Variants in SMOC2 observed in about 807,000 individuals in gnomAD.
SMOC2 encodes SPARC-related modular calcium-binding protein 2.
Under a neutral mutation model 61.4 loss-of-function variants are expected in SMOC2, and 39 were observed. That is an observed-to-expected ratio of 0.64 (90% CI 0.49 to 0.83). The LOEUF (loss-of-function observed/expected upper bound fraction) is 0.83, where lower values mean the gene tolerates loss of function less well. Among genes scored for constraint, SMOC2 ranks in the 40% least tolerant of loss-of-function variants. SMOC2 has a pLI of 0.00. For missense variants in SMOC2, 556 were observed against 592.9 expected (o/e 0.94, Z 0.65); for synonymous variants, 247 against 239.9 (o/e 1.03, Z -0.27).
intron 7 of SMOC2, among the ~76,000 whole-genome samples, chr6:168,570,454 A>G (rs1421707077): frequency 6.6e-6 from 1 of 152,144 alleles, no homozygotes; most frequent in African/African-American, 2.4e-5. Context: ...AAAGCACCCA[A>G]CGGCCCAGGG....
At chr6:168,569,840 G>A (rs1275807609) in intron 7 of SMOC2, among the ~76,000 whole-genome samples, 1 of 152,152 alleles carries the variant, frequency 6.6e-6, no homozygotes, top group African/African-American at 2.4e-5. Flanking sequence ...TTGCAGAGCG[G>A]AAGTTTTCCA....
intron 2 of SMOC2, among the ~76,000 whole-genome samples, chr6:168,517,930 G>A (rs866080965): frequency 3.3e-5 from 5 of 152,254 alleles, no homozygotes; most frequent in African/African-American, 1.2e-4. Flanking sequence ...CGGAGCGCGA[G>A]CCTGGGCCGG....
intron 12 of SMOC2, 70 bp from the exon 13 acceptor site, chr6:168,666,351 C>A: frequency 6.3e-7 from 1 of 1,592,538 alleles, no homozygotes; most frequent in Non-Finnish European, 8.6e-7. Flanking sequence ...AGAAGCCAAG[C>A]CTTAGTCTTC....
chr6:168,648,945 A>G (rs935003331), intron 9 of SMOC2, among the ~76,000 whole-genome samples: 1 of 152,168 alleles, frequency 6.6e-6, no homozygotes, highest in Non-Finnish European at 1.5e-5. Flanking sequence ...CCACGGCCAC[A>G]TGGTCCACGC....
At chr6:168,564,985 A>G (rs1784510481) in intron 7 of SMOC2, among the ~76,000 whole-genome samples, 1 of 152,224 alleles carries the variant, frequency 6.6e-6, no homozygotes, top group African/African-American at 2.4e-5. Flanking sequence ...AGTAACATCA[A>G]CAGCATCTCT....
chr6:168,555,195 A>G (rs1426376600), intron 7 of SMOC2, among the ~76,000 whole-genome samples: 1 of 152,212 alleles, frequency 6.6e-6, no homozygotes, highest in Non-Finnish European at 1.5e-5. Flanking sequence ...CGGGCCTGCA[A>G]TCATTAGCCA....
chr6:168,633,569 A>C (rs1786628199), intron 9 of SMOC2, among the ~76,000 whole-genome samples: 1 of 152,040 alleles, frequency 6.6e-6, no homozygotes, highest in South Asian at 2.1e-4. Context: ...ACCCCAAACA[A>C]AAAAAAATAC....
chr6:168,656,433 G>A (rs553261066), intron 11 of SMOC2, among the ~76,000 whole-genome samples: 7 of 149,968 alleles, frequency 4.7e-5, no homozygotes, highest in Non-Finnish European at 8.9e-5. Context: ...GCTTGAATCT[G>A]GGAGGCAGAA....
intron 1 of SMOC2, among the ~76,000 whole-genome samples, chr6:168,483,945 A>G (rs1782270993): frequency 6.6e-6 from 1 of 152,192 alleles, no homozygotes; most frequent in African/African-American, 2.4e-5. Context: ...TTAACTCAAA[A>G]TGGATTAATG....
At chr6:168,579,219 A>C (rs1784872442) in intron 7 of SMOC2, among the ~76,000 whole-genome samples, 1 of 152,116 alleles carries the variant, frequency 6.6e-6, no homozygotes, top group Non-Finnish European at 1.5e-5. Context: ...CATTTTTATC[A>C]AAATGCTATT....
chr6:168,653,120 G>A lies in SMOC2; in HGVS notation c.1177G>A (p.Val393Ile), dbSNP rs755958696. 2 of 1,614,216 alleles carry A rather than the reference G, an allele frequency of 1.2e-6. No individual in the cohort carries two copies. The highest frequency in any genetic ancestry group is 2.2e-5 in the South Asian group (2 of 91,076). Residue 393 changes from valine to isoleucine, a missense_variant, in exon 11 of 13, where the codon GTT becomes ATT. Physicochemically the swap from Val to Ile is conservative, Grantham distance 29. Transcript: ENST00000356284. ...SKPKKCVKKF[V>I]EYCDVNNDKS... The stretch of plus-strand genomic sequence containing the variant: ...GCCCAAAAAATGTGTGAAGAAGTTT[G>A]TTGAATACTGTGACGTGAATAATGA...
rs1583188036 is a variant in SMOC2 at position 168,651,180 on chromosome 6, G to A, written c.1010+397G>A. 3.3e-5 allele frequency among the ~76,000 whole-genome samples: 5 copies of A among 152,320 alleles called. 1 individual carries two copies. Among genetic ancestry groups the A allele is most frequent in the African/African-American group, 2.4e-5 (1 of 41,570 alleles). On this transcript the variant is annotated intron_variant, in intron 10 of 12. Coordinates refer to ENST00000356284, the MANE Select transcript of SMOC2 (RefSeq NM_001166412.2). Reference sequence around the variant, plus strand: ...ACGTTTAATCTGAAGTTCTCAAAACGTGATTAGGTTTACTGCAGTAAAATG... The same window carrying A: ...ACGTTTAATCTGAAGTTCTCAAAACATGATTAGGTTTACTGCAGTAAAATG...
At chr6:168,659,772 TTGTAGATTATAGGCTGAGTG>T (rs1787451184) in intron 11 of SMOC2, among the ~76,000 whole-genome samples, 12 of 15,992 alleles carry the variant, frequency 7.5e-4, no homozygotes, top group East Asian at 2.2e-3. Flanking sequence ...TTGGGTGAGG[TTGTAGATTATAGGCTGAGTG>T]AGGGTGGAGG....
intron 8 of SMOC2, among the ~76,000 whole-genome samples, chr6:168,599,679 C>T (rs1475182598): frequency 2.1e-5 from 3 of 141,902 alleles, no homozygotes; most frequent in African/African-American, 7.9e-5. Flanking sequence ...CTCCCCTACA[C>T]ACTCTCACAC....
intron 7 of SMOC2, among the ~76,000 whole-genome samples, chr6:168,574,361 G>T (rs1583123883): frequency 1.3e-5 from 2 of 152,366 alleles, no homozygotes; most frequent in Admixed American, 1.3e-4. Flanking sequence ...AGGCCGGGAG[G>T]AAGCCCCCGT....
intron 9 of SMOC2, among the ~76,000 whole-genome samples, chr6:168,639,125 C>T (rs776015870): frequency 6.6e-6 from 1 of 152,186 alleles, no homozygotes; most frequent in Non-Finnish European, 1.5e-5. Flanking sequence ...CAGCACTGAG[C>T]GTCCTTTGTT....
At chr6:168,635,435 T>A (rs1786689823) in intron 9 of SMOC2, among the ~76,000 whole-genome samples, 1 of 151,936 alleles carries the variant, frequency 6.6e-6, no homozygotes, top group African/African-American at 2.4e-5. Context: ...GTGGGGCCAC[T>A]GAAGCCTCCC....
intron 1 of SMOC2, among the ~76,000 whole-genome samples, chr6:168,451,800 G>A (rs1438269888): frequency 1.3e-5 from 2 of 152,180 alleles, no homozygotes; most frequent in African/African-American, 4.8e-5. Context: ...TTCTCTTTTG[G>A]AGAGAGTTGC....
intron 1 of SMOC2, among the ~76,000 whole-genome samples, chr6:168,455,907 G>C (rs9456116): frequency 6.6e-6 from 1 of 152,240 alleles, no homozygotes; most frequent in Non-Finnish European, 1.5e-5. Flanking sequence ...GACCCGCTCC[G>C]TGAATCCATG....
Sources: gnomAD v4.1 joint callset for allele counts (sites outside exome capture counted in the v4.1 genomes callset) on GRCh38, gnomAD v4.1.1 for gene constraint, MANE v1.5 for transcripts, NCBI Gene and HGNC (gene_info 2026-07-23, HGNC 2026-07-21) for gene names.